The following LCP1 variants were observed in gnomAD, a reference collection of about 807,000 sequenced individuals.
The protein encoded by LCP1 is plastin-2.
A neutral mutation model predicts 72.0 loss-of-function variants in LCP1; 23 were observed. That is an observed-to-expected ratio of 0.32 (90% CI 0.23 to 0.45). The LOEUF (loss-of-function observed/expected upper bound fraction) is 0.45. LCP1 is among the 20% of genes least tolerant of loss of function. The pLI is 1.00. For missense variants in LCP1, 571 were observed against 748.3 expected (o/e 0.76, Z 2.76); for synonymous variants, 245 against 275.4 (o/e 0.89, Z 1.09).
At chr13:46,146,520 G>C (rs2045731730) in intron 10 of LCP1, among the ~76,000 whole-genome samples, 1 of 152,134 alleles carries the variant, frequency 6.6e-6, no homozygotes, top group Non-Finnish European at 1.5e-5. Flanking sequence ...GCATATCCCA[G>C]CATACCTTAA....
At position 46,126,179 on chromosome 13, in the gene LCP1, T is replaced by C. The variant is rs995438489; in HGVS notation, c.*1412A>G. ...TCCAGAGCAATGCATTTCAATTGCT[T>C]TGAAAAATGGCTAAGTTCCATTACA... is the stretch of plus-strand genomic sequence containing the variant. On this transcript the variant is annotated 3_prime_UTR_variant, in exon 16 of 16. Coordinates refer to ENST00000323076, the MANE Select transcript of LCP1 (RefSeq NM_002298.5). 7 of 221,018 alleles carry C rather than the reference T, an allele frequency of 3.2e-5. No homozygotes were observed. The highest frequency in any genetic ancestry group is 1.3e-4 in the African/African-American group (6 of 44,664). 13.7% of individuals were successfully genotyped at this position (221,018 alleles called of 1,614,324 possible).
In LCP1 at chr13:46,126,555, A is replaced by G. The variant is rs2045599474; in HGVS notation, c.*1036T>C. On this transcript the variant is annotated 3_prime_UTR_variant, in exon 16 of 16. Coordinates refer to ENST00000323076, the MANE Select transcript of LCP1 (RefSeq NM_002298.5). ...GCAGAAAGCTTTTATAGTACCAAAA[A>G]AGTAAACATTGATAATATGGCCTGA... is the stretch of plus-strand genomic sequence containing the variant. 1 of 231,904 alleles carries G rather than the reference A, an allele frequency of 4.3e-6. No homozygotes were observed. Among genetic ancestry groups the G allele is most frequent in the African/African-American group, 2.2e-5 (1 of 45,210 alleles). The allele number at this position is 231,904 out of a possible 1,614,324, so 14.4% of individuals were successfully genotyped here. A position where few individuals can be genotyped will look rare whatever the true frequency, so the allele number is the denominator to read the frequency against.
intron 9 of LCP1, 45 bp from the exon 10 acceptor site, chr13:46,147,148 T>C (rs532650895): frequency 1.4e-6 from 2 of 1,469,184 alleles, no homozygotes; most frequent in South Asian, 1.4e-5. Context: ...AGGCTCTCCA[T>C]GCACAAAGCA....
At chr13:46,176,751 T>C (rs1025415517) in intron 1 of LCP1, among the ~76,000 whole-genome samples, 2 of 152,234 alleles carry the variant, frequency 1.3e-5, no homozygotes, top group Non-Finnish European at 2.9e-5. Context: ...ATTAATCTGC[T>C]TGCTGAATTT....
intron 1 of LCP1, among the ~76,000 whole-genome samples, chr13:46,173,793 G>A (rs2045915028): frequency 6.6e-6 from 1 of 152,166 alleles, no homozygotes; most frequent in East Asian, 1.9e-4. Context: ...AGTGGTGAAG[G>A]GGCTCCGGGC....
intron 13 of LCP1, among the ~76,000 whole-genome samples, chr13:46,136,891 C>T (rs2045668171): frequency 1.3e-5 from 2 of 152,198 alleles, no homozygotes; most frequent in African/African-American, 4.8e-5. Flanking sequence ...TCAGGAGTTG[C>T]AGCCCGGCGT....
intron 5 of LCP1, 78 bp downstream of exon 5, chr13:46,156,360 T>C: frequency 6.4e-7 from 1 of 1,561,702 alleles, no homozygotes; most frequent in Non-Finnish European, 8.8e-7. Flanking sequence ...AAAGTTGGCC[T>C]ACGATAAATA....
intron 8 of LCP1, 26 bp downstream of exon 8, chr13:46,150,910 T>C (rs764679328): frequency 2.5e-6 from 4 of 1,607,384 alleles, no homozygotes; most frequent in Non-Finnish European, 3.4e-6. Context: ...CTGCAGAGAG[T>C]CATGTTCAAA....
At chr13:46,161,746 G>A (rs1312143123) in intron 1 of LCP1, among the ~76,000 whole-genome samples, 6 of 152,186 alleles carry the variant, frequency 3.9e-5, no homozygotes, top group East Asian at 1.9e-4. Flanking sequence ...GATGATGGTC[G>A]GGAGGAACTC....
intron 1 of LCP1, among the ~76,000 whole-genome samples, chr13:46,162,643 C>T (rs1341184005): frequency 6.6e-6 from 1 of 152,108 alleles, no homozygotes; most frequent in Non-Finnish European, 1.5e-5. Context: ...GTGATCTCGG[C>T]TAGCTACAAC....
chr13:46,160,860 G>C (rs2045833938), intron 1 of LCP1, among the ~76,000 whole-genome samples: 1 of 152,024 alleles, frequency 6.6e-6, no homozygotes, highest in African/African-American at 2.4e-5. Context: ...GGATAGTTCA[G>C]GGAAGTTATC....
At chr13:46,135,656 G>A (rs1025000561) in intron 13 of LCP1, among the ~76,000 whole-genome samples, 6 of 151,558 alleles carry the variant, frequency 4.0e-5, no homozygotes, top group African/African-American at 1.2e-4. Context: ...ATTACACCTC[G>A]TAAGTCTCCC....
At chr13:46,170,450 T>C (rs1051412054) in intron 1 of LCP1, among the ~76,000 whole-genome samples, 3 of 152,144 alleles carry the variant, frequency 2.0e-5, no homozygotes, top group Admixed American at 2.0e-4. Context: ...CTGCCGGTAA[T>C]GCTTGGCAGT....
chr13:46,135,129 A>G (rs1195829550), intron 13 of LCP1, among the ~76,000 whole-genome samples: 2 of 151,592 alleles, frequency 1.3e-5, no homozygotes, highest in African/African-American at 4.8e-5. Context: ...AAAAAGAAAA[A>G]AAAAAAACCC....
rs1256054714 is a variant in LCP1 at position 46,156,620 on chromosome 13, T to C, written c.359-50A>G. 3.1e-6 allele frequency: 5 copies of C among 1,601,114 alleles called. No homozygotes were observed. In the African/African-American group the frequency reaches 4.0e-5, roughly 13 times the overall value. On this transcript the variant is annotated intron_variant, in intron 4 of 15. Coordinates refer to ENST00000323076, the MANE Select transcript of LCP1 (RefSeq NM_002298.5). ...TCATTTGCAAAGTGAAACTCTATTATAAACAAAATTATGCATGTGGATCTT... is the reference window on the plus strand; with the variant it reads ...TCATTTGCAAAGTGAAACTCTATTACAAACAAAATTATGCATGTGGATCTT...
chr13:46,127,862 C>G, intron 15 of LCP1, 139 bp from the exon 16 acceptor site: 3 of 1,002,050 alleles, frequency 3.0e-6, no homozygotes, highest in Non-Finnish European at 4.4e-6. Flanking sequence ...TCACCAGCAT[C>G]CTCACACTTT....
At chr13:46,163,823 G>A (rs1402447168) in intron 1 of LCP1, among the ~76,000 whole-genome samples, 1 of 152,100 alleles carries the variant, frequency 6.6e-6, no homozygotes. Context: ...AATATACTTT[G>A]CTAAATCCTT....
intron 12 of LCP1, chr13:46,142,753 C>A: frequency 2.1e-6 from 1 of 481,356 alleles, no homozygotes; most frequent in Non-Finnish European, 4.1e-6. Context: ...AAGGTGAATT[C>A]ATGGAGATTG....
At chr13:46,136,206 T>C (rs2045664241) in intron 13 of LCP1, among the ~76,000 whole-genome samples, 1 of 152,144 alleles carries the variant, frequency 6.6e-6, no homozygotes, top group Non-Finnish European at 1.5e-5. Context: ...GGGACTCATC[T>C]GTACTCACTA....
Sources: gnomAD v4.1 joint callset for allele counts (sites outside exome capture counted in the v4.1 genomes callset) on GRCh38, gnomAD v4.1.1 for gene constraint, MANE v1.5 for transcripts, NCBI Gene and HGNC (gene_info 2026-07-23, HGNC 2026-07-21) for gene names.